Variants in PDZD8 observed in about 807,000 individuals in gnomAD.
PDZD8 encodes PDZ domain-containing protein 8.
PDZD8 carries 14 observed loss-of-function variants against 85.8 expected under a neutral mutation model. That is an observed-to-expected ratio of 0.16 (90% CI 0.11 to 0.26). The LOEUF is 0.26. Ranked by LOEUF, PDZD8 falls within the 10% of genes least tolerant of loss-of-function variation. The pLI, the probability that PDZD8 is intolerant of heterozygous loss-of-function variation, is 1.00. For missense variants in PDZD8, 1,197 were observed against 1,424.3 expected (o/e 0.84, Z 2.57); for synonymous variants, 592 against 568.6 (o/e 1.04, Z -0.59).
At chr10:117,320,884 C>A (rs1057296030) in intron 2 of PDZD8, among the ~76,000 whole-genome samples, 1 of 151,900 alleles carries the variant, frequency 6.6e-6, no homozygotes, top group Non-Finnish European at 1.5e-5. Context: ...CAAAGATGCA[C>A]GAATGGTCAA....
intron 3 of PDZD8, among the ~76,000 whole-genome samples, chr10:117,305,666 G>A (rs771332769): frequency 2.0e-5 from 3 of 152,036 alleles, no homozygotes; most frequent in Non-Finnish European, 4.4e-5. Context: ...GTGTCATGTC[G>A]GTGATACGAA....
chr10:117,283,703 G>A lies in PDZD8; in HGVS notation c.3030C>T (p.Asp1010=). 6.2e-7 allele frequency: 1 copy of A among 1,614,166 alleles called. No homozygotes were observed. The highest frequency in any genetic ancestry group is 1.1e-5 in the South Asian group (1 of 91,080). Residue 1010 remains aspartate (D), a synonymous_variant, in exon 5 of 5, where the codon GAC becomes GAT. Coordinates refer to ENST00000334464, the MANE Select transcript of PDZD8 (RefSeq NM_173791.5). ...KLVRKEGGLD[D]SVFIAVKEIG... is the part of the protein sequence containing the mutation. The stretch of plus-strand genomic sequence containing the variant: ...TTTCTTTAACTGCAATGAAAACACT[G>A]TCATCCAGACCACCCTCTTTTCTCA...
intron 3 of PDZD8, among the ~76,000 whole-genome samples, chr10:117,299,506 T>C (rs1325603269): frequency 6.6e-6 from 1 of 152,162 alleles, no homozygotes. Context: ...GCTTTGTTTA[T>C]TTTGTTTTAT....
In PDZD8 at chr10:117,375,297, C is replaced by G. The variant is rs886385546; in HGVS notation, c.-70G>C. Reference sequence around the variant, plus strand: ...GCCGCTTTCTTCACGCCGCCGCCCCCGCTGCCTCCATTTTGAGGACATCGG... The same window carrying G: ...GCCGCTTTCTTCACGCCGCCGCCCCGGCTGCCTCCATTTTGAGGACATCGG... On this transcript the variant is annotated 5_prime_UTR_variant, in exon 1 of 5. Coordinates refer to ENST00000334464, the MANE Select transcript of PDZD8 (RefSeq NM_173791.5). The G allele has an allele frequency of 1.5e-5, 20 of 1,352,990 alleles. No homozygotes were observed. The Admixed American group carries it at 5.7e-4, about 38-fold the overall frequency. 83.8% of individuals were successfully genotyped at this position (1,352,990 alleles called of 1,614,324 possible).
chr10:117,284,293 C>A lies in PDZD8; in HGVS notation c.2440G>T (p.Glu814Ter). Residue 814 changes from glutamate to a stop codon, truncating the protein, a stop_gained, in exon 5 of 5, where the codon GAA (glutamate) becomes TAA (stop). Transcript: ENST00000334464. LOFTEE classifies it high-confidence loss of function. ...HVVTNVEKEK[E>*]PHLVEEVSVL... Reference sequence around the variant, plus strand: ...GAAACTTCTTCAACCAAATGGGGTTCTTTTTCTTTTTCTACGTTAGTAACT... The same window carrying A: ...GAAACTTCTTCAACCAAATGGGGTTATTTTTCTTTTTCTACGTTAGTAACT... The A allele has an allele frequency of 1.2e-6, 2 of 1,613,852 alleles. No individual in the cohort carries two copies. The highest frequency in any genetic ancestry group is 1.7e-6 in the Non-Finnish European group (2 of 1,179,954).
In PDZD8 at chr10:117,374,628, C is replaced by G. The variant is rs1359282819; in HGVS notation, c.600G>C (p.Gly200=). 6.3e-7 allele frequency: 1 copy of G among 1,583,766 alleles called. No individual in the cohort carries two copies. The highest frequency in any genetic ancestry group is 1.8e-5 in the Admixed American group (1 of 54,746). The change falls in exon 1 of 5, where the codon GGG becomes GGC. Residue 200 remains glycine (G), a synonymous_variant. Coordinates refer to ENST00000334464, the MANE Select transcript of PDZD8 (RefSeq NM_173791.5). The surrounding 1 kb of genome is among the most constrained non-coding windows in gnomAD (Gnocchi z 7.8). Reference sequence around the variant, plus strand: ...CCACGTCGATGGCCAGGTGGAAGCCCCCGTTGTACTCCACCTCCGCCTCGA... The same window carrying G: ...CCACGTCGATGGCCAGGTGGAAGCCGCCGTTGTACTCCACCTCCGCCTCGA... ...LAFEAEVEYN[G]GFHLAIDVDL...
At position 117,282,159 on chromosome 10, in the gene PDZD8, T is replaced by G. The variant is rs372308314; in HGVS notation, c.*1109A>C. The G allele has an allele frequency of 6.6e-6, 1 of 152,210 alleles. No homozygotes were observed. The highest frequency in any genetic ancestry group is 1.5e-5 in the Non-Finnish European group (1 of 68,022). 9.4% of individuals were successfully genotyped at this position (152,210 alleles called of 1,614,324 possible). On this transcript the variant is annotated 3_prime_UTR_variant, in exon 5 of 5. Transcript: ENST00000334464. Reference sequence around the variant, plus strand: ...AGAATGATCACCATTCCTTTACAACTGTAAGACGCCAAAGCAAAAAGTATA... The same window carrying G: ...AGAATGATCACCATTCCTTTACAACGGTAAGACGCCAAAGCAAAAAGTATA...
intron 3 of PDZD8, among the ~76,000 whole-genome samples, chr10:117,294,479 A>G (rs923927283): frequency 1.3e-5 from 2 of 152,216 alleles, no homozygotes; most frequent in Non-Finnish European, 2.9e-5. Context: ...AGAACTAGCA[A>G]TGATCCAATA....
chr10:117,301,825 T>C (rs1022536404), intron 3 of PDZD8, among the ~76,000 whole-genome samples: 1 of 152,200 alleles, frequency 6.6e-6, no homozygotes, highest in Non-Finnish European at 1.5e-5. Context: ...ACATTTGTTC[T>C]TGTTCATTTT....
intron 3 of PDZD8, among the ~76,000 whole-genome samples, chr10:117,296,197 T>C (rs1198519274): frequency 2.0e-5 from 3 of 151,582 alleles, no homozygotes; most frequent in Admixed American, 6.6e-5. Context: ...ATTAAAATTA[T>C]AAATTATAGA....
intron 3 of PDZD8, among the ~76,000 whole-genome samples, chr10:117,292,724 T>C (rs1259517489): frequency 6.6e-6 from 1 of 151,818 alleles, no homozygotes; most frequent in African/African-American, 2.4e-5. Flanking sequence ...TATCTTTCCC[T>C]TTGCTTTTCT....
rs762720593 is a variant in PDZD8 at position 117,309,392 on chromosome 10, A to AT, written c.1098+9479dup. Among the ~76,000 whole-genome samples the AT allele has an allele frequency of 8.8e-3, 445 of 50,756 alleles. 1 individual carries two copies. The highest frequency in any genetic ancestry group is 0.015 in the Non-Finnish European group (248 of 16,676). The allele number at this position is 50,756 out of a possible 152,430, so 33.3% of individuals were successfully genotyped here. On this transcript the variant is annotated intron_variant, in intron 3 of 4. Coordinates refer to ENST00000334464, the MANE Select transcript of PDZD8 (RefSeq NM_173791.5). ...AAAAGTTGAAATAACAGCAGTAAAAATTAAAAAAAAAAAAAACATAGTAGA... is the reference window on the plus strand; with the variant it reads ...AAAAGTTGAAATAACAGCAGTAAAAATTTAAAAAAAAAAAAAACATAGTAGA...
chr10:117,366,964 T>A (rs548711487), intron 1 of PDZD8, among the ~76,000 whole-genome samples: 13 of 152,208 alleles, frequency 8.5e-5, no homozygotes, highest in Non-Finnish European at 1.8e-4. Flanking sequence ...GCTCATATGA[T>A]AGATTGTTAG....
chr10:117,336,630 A>C (rs1182803410), intron 2 of PDZD8, among the ~76,000 whole-genome samples: 2 of 151,754 alleles, frequency 1.3e-5, no homozygotes, highest in Non-Finnish European at 2.9e-5. Context: ...AAAGTAATGA[A>C]GTCTAAAAAA....
chr10:117,375,153 C>T lies in PDZD8; in HGVS notation c.75G>A (p.Leu25=), dbSNP rs758128083. 5 of 1,588,630 alleles carry T rather than the reference C, an allele frequency of 3.1e-6. No individual in the cohort carries two copies. Among genetic ancestry groups the T allele is most frequent in the Non-Finnish European group, 4.3e-6 (5 of 1,173,876 alleles). The part of the protein sequence containing the change: ...SFLTLLAQFF[L]LYRRQPEPPA... ...GCGGCTCGGGCTGTCTGCGGTACAG[C>T]AGGAAGAACTGGGCGAGGAGCGTGA... is the stretch of plus-strand genomic sequence containing the variant. The change falls in exon 1 of 5, where the codon CTG becomes CTA. Residue 25 remains leucine, a synonymous_variant. Coordinates refer to ENST00000334464, the MANE Select transcript of PDZD8 (RefSeq NM_173791.5).
intron 2 of PDZD8, among the ~76,000 whole-genome samples, chr10:117,337,516 A>G (rs1373720798): frequency 1.3e-5 from 2 of 152,228 alleles, no homozygotes; most frequent in South Asian, 2.1e-4. Context: ...CCCTCAAGCT[A>G]TTGCTTGGGA....
rs59113065 is a variant in PDZD8 at position 117,342,393 on chromosome 10, TACAC to T, written c.873-1295_873-1292del. Among the ~76,000 whole-genome samples, 727 of 145,678 alleles carry T rather than the reference TACAC, an allele frequency of 5.0e-3. 4 individuals carry two copies. The highest frequency in any genetic ancestry group is 0.013 in the African/African-American group (490 of 39,116). On this transcript the variant is annotated intron_variant, in intron 1 of 4. Coordinates refer to ENST00000334464, the MANE Select transcript of PDZD8 (RefSeq NM_173791.5). ...GCTTCTTACTGACCACACAAACAGA[TACAC>T]ACACACACACACACACACACACACA...
chr10:117,283,480 G>A lies in PDZD8; in HGVS notation c.3253C>T (p.Gln1085Ter). Reference protein sequence around the residue: ...AALAKSGERLQALTLLMIHYR... With the variant: ...AALAKSGERL ...TGAATCATAAGAAGTGTTAGAGCTT[G>A]TAGCCTTTCACCTGATTTAGCTAAG... Residue 1085 changes from glutamine to a stop codon, truncating the protein, a stop_gained, in exon 5 of 5, where the codon CAA becomes TAA. Transcript: ENST00000334464. LOFTEE classifies it high-confidence loss of function. The A allele has an allele frequency of 6.2e-7, 1 of 1,614,134 alleles. No individual in the cohort carries two copies. The highest frequency in any genetic ancestry group is 1.1e-5 in the South Asian group (1 of 91,090).
At chr10:117,305,958 G>A (rs1241639036) in intron 3 of PDZD8, among the ~76,000 whole-genome samples, 4 of 152,064 alleles carry the variant, frequency 2.6e-5, no homozygotes, top group African/African-American at 4.8e-5. Flanking sequence ...ACCATAAAAC[G>A]GTGACATCTG....
Sources: allele counts gnomAD v4.1 joint callset (sites outside exome capture counted in the v4.1 genomes callset), GRCh38; gene constraint gnomAD v4.1.1; non-coding constraint Gnocchi (gnomAD v3.1); transcripts MANE v1.5; gene names NCBI Gene and HGNC (gene_info 2026-07-23, HGNC 2026-07-21).